POC1A: variants seen among roughly 807,000 people sequenced by gnomAD.
The protein encoded by POC1A is POC1 centriolar protein homolog A.
POC1A carries 34 observed loss-of-function variants against 47.8 expected under a neutral mutation model. The ratio of observed to expected loss-of-function variants is 0.71; its 90% CI spans 0.54 to 0.95. POC1A has a LOEUF of 0.95. Among genes scored for constraint, POC1A ranks in the 40% least tolerant of loss-of-function variants. The pLI is 0.00. For synonymous variants in POC1A, 177 were observed against 207.6 expected (o/e 0.85, Z 1.27); for missense variants, 466 against 528.3 (o/e 0.88, Z 1.16).
At chr3:52,107,512 T>C (rs1278730786) in intron 9 of POC1A, among the ~76,000 whole-genome samples, 1 of 152,188 alleles carries the variant, frequency 6.6e-6, no homozygotes, top group Non-Finnish European at 1.5e-5. Flanking sequence ...ACCCGCTTCC[T>C]TGAGGGCGGC....
chr3:52,149,410 G>T, intron 3 of POC1A, 21 bp from the exon 4 acceptor site: 1 of 1,611,312 alleles, frequency 6.2e-7, no homozygotes, highest in Non-Finnish European at 8.5e-7. Flanking sequence ...AGGCATCCAA[G>T]AGTAAGGAAA....
chr3:52,123,583 G>C (rs190984932), intron 8 of POC1A, among the ~76,000 whole-genome samples: 21 of 152,206 alleles, frequency 1.4e-4, no homozygotes, highest in African/African-American at 5.1e-4. Context: ...TGGCGTCTAG[G>C]GTCGTGCACA....
chr3:52,109,465 T>C (rs1703304932), intron 9 of POC1A, among the ~76,000 whole-genome samples: 1 of 152,118 alleles, frequency 6.6e-6, no homozygotes, highest in Non-Finnish European at 1.5e-5. Context: ...GTTTTTGTTT[T>C]GTTTTGTTTT....
chr3:52,152,766 A>G (rs1278327482), intron 1 of POC1A, among the ~76,000 whole-genome samples: 1 of 152,238 alleles, frequency 6.6e-6, no homozygotes, highest in African/African-American at 2.4e-5. Flanking sequence ...CAAATGATCC[A>G]TCAACACATG....
chr3:52,121,993 G>C (rs1031071630), intron 9 of POC1A, among the ~76,000 whole-genome samples: 1 of 152,174 alleles, frequency 6.6e-6, no homozygotes, highest in South Asian at 2.1e-4. Flanking sequence ...ACTTGTCCCA[G>C]CTGTGGCTTC....
At chr3:52,143,475 G>T (rs949435830) in intron 6 of POC1A, among the ~76,000 whole-genome samples, 1 of 152,084 alleles carries the variant, frequency 6.6e-6, no homozygotes, top group African/African-American at 2.4e-5. Flanking sequence ...GCCCTCCTCA[G>T]CTCTCCCATG....
chr3:52,099,713 T>C (rs954524921), intron 9 of POC1A, among the ~76,000 whole-genome samples: 3 of 152,114 alleles, frequency 2.0e-5, no homozygotes, highest in African/African-American at 4.8e-5. Flanking sequence ...CAGCCAGGCA[T>C]GGTGGTAGGC....
Position 52,115,054 on chromosome 3 carries a change from C to T in POC1A, c.981+7325G>A, listed in dbSNP as rs915668736. On this transcript the variant is annotated intron_variant, in intron 9 of 10. Coordinates refer to ENST00000296484, the MANE Select transcript of POC1A (RefSeq NM_015426.5). ...GCTTGAGGCGTCGGGGGTTTGGGCT[C>T]CATGAAGCCATGCCTTTTCCAAGTT... Among the ~76,000 whole-genome samples, 23 of 152,194 alleles carry T rather than the reference C, an allele frequency of 1.5e-4. 1 individual carries two copies. The highest frequency in any genetic ancestry group is 3.2e-4 in the Non-Finnish European group (22 of 68,028).
intron 10 of POC1A, among the ~76,000 whole-genome samples, chr3:52,082,274 G>T (rs1314875216): frequency 2.0e-5 from 3 of 152,204 alleles, no homozygotes; most frequent in African/African-American, 7.2e-5. Context: ...GCCTTGGCAG[G>T]ACCCAGGGTG....
At chr3:52,150,184 T>C (rs980890852) in intron 2 of POC1A, among the ~76,000 whole-genome samples, 197 bp from the exon 3 acceptor site, 2 of 152,094 alleles carry the variant, frequency 1.3e-5, no homozygotes, top group Non-Finnish European at 2.9e-5. Flanking sequence ...GGCCCAGAGT[T>C]CTCCAAGGAG....
At chr3:52,093,793 C>T (rs1404147165) in intron 10 of POC1A, among the ~76,000 whole-genome samples, 1 of 152,242 alleles carries the variant, frequency 6.6e-6, no homozygotes, top group African/African-American at 2.4e-5. Context: ...GATTGGGTCC[C>T]TGACCCTCAG....
At chr3:52,129,844 A>G (rs1348856294) in intron 7 of POC1A, among the ~76,000 whole-genome samples, 4 of 152,196 alleles carry the variant, frequency 2.6e-5, no homozygotes, top group African/African-American at 4.8e-5. Flanking sequence ...TTTACCACAC[A>G]TCATCTTCTG....
intron 9 of POC1A, among the ~76,000 whole-genome samples, chr3:52,121,577 T>C (rs569131993): frequency 2.0e-5 from 3 of 152,270 alleles, no homozygotes; most frequent in African/African-American, 7.2e-5. Context: ...GGCTTCCTAG[T>C]TCTATTCTGG....
intron 7 of POC1A, among the ~76,000 whole-genome samples, chr3:52,132,717 T>C (rs1457047838): frequency 1.3e-5 from 2 of 152,040 alleles, no homozygotes; most frequent in Non-Finnish European, 2.9e-5. Flanking sequence ...TGCTATGGTG[T>C]GAATGTTTTT....
chr3:52,108,489 G>T (rs1228298857), intron 9 of POC1A, among the ~76,000 whole-genome samples: 2 of 152,186 alleles, frequency 1.3e-5, no homozygotes, highest in Admixed American at 6.5e-5. Flanking sequence ...TAAAACCTCG[G>T]AACAAAGGCT....
chr3:52,076,624 TTCA>T (rs1293505893), intron 10 of POC1A, among the ~76,000 whole-genome samples: 8 of 152,216 alleles, frequency 5.3e-5, no homozygotes, highest in Non-Finnish European at 1.2e-4. Flanking sequence ...CCATGACAAC[TTCA>T]TCTCTCTGAG....
At chr3:52,132,331 C>G (rs937465104) in intron 7 of POC1A, among the ~76,000 whole-genome samples, 1 of 152,106 alleles carries the variant, frequency 6.6e-6, no homozygotes, top group African/African-American at 2.4e-5. Context: ...TTTTTCAAAA[C>G]CAGAAATGGG....
At position 52,075,590 on chromosome 3, in the gene POC1A, C is replaced by T; in HGVS notation, c.*297G>A. On this transcript the variant is annotated 3_prime_UTR_variant, in exon 11 of 11. Coordinates refer to ENST00000296484, the MANE Select transcript of POC1A (RefSeq NM_015426.5). Reference sequence around the variant, plus strand: ...AGAGGGGGAGCCACAATCTCAGGACCCCGAAGGAGCAGACATTTTCAAGTG... The same window carrying T: ...AGAGGGGGAGCCACAATCTCAGGACTCCGAAGGAGCAGACATTTTCAAGTG... The T allele has an allele frequency of 4.1e-6, 1 of 242,870 alleles. No homozygotes were observed. Among genetic ancestry groups the T allele is most frequent in the Non-Finnish European group, 8.4e-6 (1 of 119,232 alleles). The allele number at this position is 242,870 out of a possible 1,614,324, so 15.0% of individuals were successfully genotyped here.
intron 4 of POC1A, among the ~76,000 whole-genome samples, 186 bp from the exon 5 acceptor site, chr3:52,147,281 A>C (rs1698399958): frequency 6.6e-6 from 1 of 151,926 alleles, no homozygotes; most frequent in Non-Finnish European, 1.5e-5. Flanking sequence ...TTCAGGAACA[A>C]ATGCATTGCA....
Sources: gnomAD v4.1 joint callset for allele counts (sites outside exome capture counted in the v4.1 genomes callset) on GRCh38, gnomAD v4.1.1 for gene constraint, MANE v1.5 for transcripts, NCBI Gene and HGNC (gene_info 2026-07-23, HGNC 2026-07-21) for gene names.